CREB5: variants seen among roughly 807,000 people sequenced by gnomAD.
CREB5 encodes the protein cyclic AMP-responsive element-binding protein 5.
Under a neutral mutation model 57.1 loss-of-function variants are expected in CREB5, and 19 were observed. The observed-to-expected ratio is 0.33, with a 90% CI of 0.23 to 0.49. The LOEUF is 0.49. CREB5 is among the 20% of genes least tolerant of loss of function. The pLI, the probability that CREB5 is intolerant of heterozygous loss-of-function variation, is 0.99. For missense variants in CREB5, 579 were observed against 671.6 expected (o/e 0.86, Z 1.52); for synonymous variants, 238 against 238.3 (o/e 1.00, Z 0.01).
chr7:28,565,711 A>G (rs1212227016), intron 4 of CREB5, among the ~76,000 whole-genome samples: 1 of 152,168 alleles, frequency 6.6e-6, no homozygotes, highest in Non-Finnish European at 1.5e-5. Context: ...TCAAAAGGTC[A>G]GGAGTTCAAG....
intron 4 of CREB5, among the ~76,000 whole-genome samples, chr7:28,565,809 T>C (rs1662920871): frequency 6.6e-6 from 1 of 152,040 alleles, no homozygotes; most frequent in African/African-American, 2.4e-5. Flanking sequence ...TAGTCCCAGC[T>C]ACTCAGGGGG....
At chr7:28,721,999 A>G (rs1252566641) in intron 6 of CREB5, among the ~76,000 whole-genome samples, 1 of 152,202 alleles carries the variant, frequency 6.6e-6, no homozygotes, top group East Asian at 1.9e-4. Flanking sequence ...TATTCTAATC[A>G]ACTCATTGAA....
intron 5 of CREB5, among the ~76,000 whole-genome samples, chr7:28,644,315 A>G (rs571781408): frequency 6.6e-6 from 1 of 152,218 alleles, no homozygotes; most frequent in African/African-American, 2.4e-5. Flanking sequence ...CTTTCTTCAA[A>G]AGGTAGAAAC....
intron 4 of CREB5, among the ~76,000 whole-genome samples, chr7:28,561,020 G>GCT (rs1373452826): frequency 9.5e-5 from 1 of 10,538 alleles, no homozygotes; most frequent in Non-Finnish European, 1.8e-4. Flanking sequence ...GTGTGTGCGT[G>GCT]TGTGCGTGTG....
intron 6 of CREB5, among the ~76,000 whole-genome samples, chr7:28,719,690 A>G (rs1295590156): frequency 6.6e-6 from 1 of 152,218 alleles, no homozygotes; most frequent in Non-Finnish European, 1.5e-5. Context: ...CTAATAGGTG[A>G]TGGAGGTAGG....
chr7:28,400,066 T>TAC lies in CREB5; in HGVS notation c.-24-94821_-24-94820dup, dbSNP rs3041008. On this transcript the variant is annotated intron_variant, in intron 1 of 9. Transcript: ENST00000396299. ...AGAGCGAAACTCTGTCTGAAACAGA[T>TAC]ACACACACACACACACACACGTTTT... Among the ~76,000 whole-genome samples, 997 of 150,278 alleles carry TAC rather than the reference T, an allele frequency of 6.6e-3. 9 individuals are homozygous for TAC. Among genetic ancestry groups the TAC allele is most frequent in the South Asian group, 0.02 (94 of 4,742 alleles).
chr7:28,710,599 G>A (rs571408502), intron 5 of CREB5, among the ~76,000 whole-genome samples: 46 of 152,274 alleles, frequency 3.0e-4, no homozygotes, highest in Middle Eastern at 3.4e-3. Flanking sequence ...GCCCACCTGG[G>A]CACCATAGCA....
intron 1 of CREB5, among the ~76,000 whole-genome samples, chr7:28,369,898 G>A (rs1000400008): frequency 1.3e-5 from 2 of 152,072 alleles, no homozygotes; most frequent in Admixed American, 6.6e-5. Flanking sequence ...TCATGGGTAC[G>A]TGAATCCCTG....
chr7:28,364,613 T>G (rs1441255718), intron 1 of CREB5, among the ~76,000 whole-genome samples: 1 of 152,176 alleles, frequency 6.6e-6, no homozygotes, highest in Non-Finnish European at 1.5e-5. Context: ...CCATTATGCA[T>G]GCTGGCACTC....
At chr7:28,544,694 C>T (rs978387194) in intron 4 of CREB5, among the ~76,000 whole-genome samples, 1 of 152,194 alleles carries the variant, frequency 6.6e-6, no homozygotes, top group Non-Finnish European at 1.5e-5. Flanking sequence ...CTCGCCTCTG[C>T]ACAGCACTGA....
At chr7:28,787,234 G>A (rs566076841) in intron 7 of CREB5, among the ~76,000 whole-genome samples, 1 of 152,240 alleles carries the variant, frequency 6.6e-6, no homozygotes, top group African/African-American at 2.4e-5. Flanking sequence ...GAAAAGAAGT[G>A]GCCCAGCCTC....
At chr7:28,359,221 A>C (rs1396160569) in intron 1 of CREB5, among the ~76,000 whole-genome samples, 2 of 91,448 alleles carry the variant, frequency 2.2e-5, no homozygotes, top group Non-Finnish European at 5.2e-5. Context: ...CACACAAAAC[A>C]AATAAAAAAA....
chr7:28,659,219 G>A (rs536377631), intron 5 of CREB5, among the ~76,000 whole-genome samples: 7 of 151,890 alleles, frequency 4.6e-5, no homozygotes, highest in South Asian at 4.2e-4. Flanking sequence ...CAATTATTTC[G>A]TATCTGGAAA....
At chr7:28,715,212 C>T (rs978106719) in intron 5 of CREB5, among the ~76,000 whole-genome samples, 9 of 152,064 alleles carry the variant, frequency 5.9e-5, no homozygotes, top group South Asian at 4.2e-4. Context: ...TCAATAATAA[C>T]GTAGTTATGG....
At position 28,421,806 on chromosome 7, in the gene CREB5, A is replaced by G. The variant is rs71539565; in HGVS notation, c.3+8889A>G. Among the ~76,000 whole-genome samples the G allele has an allele frequency of 7.3e-4, 108 of 148,074 alleles. 1 individual carries two copies. Among genetic ancestry groups the G allele is most frequent in the Non-Finnish European group, 1.4e-3 (94 of 67,326 alleles). On this transcript the variant is annotated intron_variant, in intron 1 of 10. Transcript: ENST00000357727. ...ATACCATATATATATATATACACAC[A>G]CCATATATATAGTGTGCATATATAT...
chr7:28,615,092 CA>C (rs1332767280), intron 5 of CREB5: 1 of 152,020 alleles, frequency 6.6e-6, no homozygotes, highest in African/African-American at 2.4e-5. Flanking sequence ...GTAAAAACAC[CA>C]TATGGTGGCC....
intron 1 of CREB5, among the ~76,000 whole-genome samples, chr7:28,348,566 C>T (rs572695454): frequency 4.6e-5 from 7 of 152,260 alleles, no homozygotes; most frequent in African/African-American, 1.7e-4. Flanking sequence ...TAAATAAAGT[C>T]TGTGGAAAGA....
In CREB5 at chr7:28,824,550, C is replaced by T. The variant is rs192959161; in HGVS notation, c.*5271C>T. On this transcript the variant is annotated 3_prime_UTR_variant, in exon 11 of 11. Coordinates refer to ENST00000357727, the MANE Select transcript of CREB5 (RefSeq NM_182898.4). ...TAATCTAAGGTAGGATAAGACGACACAGCAGCAATAAACTTACAAGTAAAA... is the reference window on the plus strand; with the variant it reads ...TAATCTAAGGTAGGATAAGACGACATAGCAGCAATAAACTTACAAGTAAAA... 47 of 152,700 alleles carry T rather than the reference C, an allele frequency of 3.1e-4. No homozygotes were observed. The highest frequency in any genetic ancestry group is 1.1e-3 in the African/African-American group (45 of 41,554). 9.5% of individuals were successfully genotyped at this position (152,700 alleles called of 1,614,324 possible). A position where few individuals can be genotyped will look rare whatever the true frequency, so the allele number is the denominator to read the frequency against.
At chr7:28,687,661 A>T (rs1001828808) in intron 5 of CREB5, among the ~76,000 whole-genome samples, 3 of 151,776 alleles carry the variant, frequency 2.0e-5, no homozygotes, top group Non-Finnish European at 4.4e-5. Context: ...AGCTGGATGC[A>T]TATTGAGGCA....
Sources: gnomAD v4.1 joint callset for allele counts (sites outside exome capture counted in the v4.1 genomes callset) on GRCh38, gnomAD v4.1.1 for gene constraint, MANE v1.5 for transcripts, NCBI Gene and HGNC (gene_info 2026-07-23, HGNC 2026-07-21) for gene names.